Variants in KLHL32 observed in about 807,000 individuals in gnomAD.
KLHL32 encodes kelch like family member 32.
KLHL32 carries 35 observed loss-of-function variants against 64.8 expected under a neutral mutation model. That is an observed-to-expected ratio of 0.54 (90% CI 0.41 to 0.72). The LOEUF (loss-of-function observed/expected upper bound fraction) is 0.72. Among genes scored for constraint, KLHL32 ranks in the 30% least tolerant of loss-of-function variants. The pLI is 0.00. For synonymous variants in KLHL32, 259 were observed against 281.0 expected (o/e 0.92, Z 0.78); for missense variants, 589 against 768.5 (o/e 0.77, Z 2.76).
At chr6:97,117,443 G>A (rs765092684) in intron 7 of KLHL32, among the ~76,000 whole-genome samples, 4 of 152,010 alleles carry the variant, frequency 2.6e-5, no homozygotes, top group South Asian at 4.1e-4. Flanking sequence ...CATTTCCAGC[G>A]TGCTCACTCC....
intron 1 of KLHL32, among the ~76,000 whole-genome samples, chr6:96,925,590 T>G (rs1769043047): frequency 6.6e-6 from 1 of 152,180 alleles, no homozygotes; most frequent in South Asian, 2.1e-4. Context: ...CCCCTCTATT[T>G]CCAGTTTTAT....
At chr6:96,988,209 T>G (rs539657219) in intron 3 of KLHL32, among the ~76,000 whole-genome samples, 12 of 152,180 alleles carry the variant, frequency 7.9e-5, no homozygotes, top group African/African-American at 2.9e-4. Flanking sequence ...ACTCATCTGA[T>G]AAAGGGCTAA....
rs1012773699 is a variant in KLHL32 at position 97,066,936 on chromosome 6, C to A, written c.411+2210C>A. On this transcript the variant is annotated intron_variant, in intron 5 of 10. Transcript: ENST00000369261. ...CTTAAAATGTACCCAGGAATTGTGCCCCTTCAATCAATGCTGATATATTCT... is the reference window on the plus strand; with the variant it reads ...CTTAAAATGTACCCAGGAATTGTGCACCTTCAATCAATGCTGATATATTCT... Among the ~76,000 whole-genome samples the A allele has an allele frequency of 3.9e-5, 6 of 152,072 alleles. No homozygotes were observed. In the East Asian group the frequency reaches 9.6e-4, roughly 24 times the overall value.
chr6:97,129,196 C>T (rs948053076), intron 8 of KLHL32, among the ~76,000 whole-genome samples: 4 of 152,122 alleles, frequency 2.6e-5, no homozygotes, highest in Non-Finnish European at 5.9e-5. Flanking sequence ...AGTGAGTGGA[C>T]CAATTTTTAT....
chr6:96,980,958 G>A (rs1481405843), intron 3 of KLHL32, among the ~76,000 whole-genome samples: 1 of 149,206 alleles, frequency 6.7e-6, no homozygotes, highest in East Asian at 2.0e-4. Context: ...AAGCAAACAT[G>A]TCATTCTTCA....
chr6:96,992,709 T>C (rs999140985), intron 3 of KLHL32, among the ~76,000 whole-genome samples: 4 of 152,216 alleles, frequency 2.6e-5, no homozygotes, highest in Admixed American at 2.6e-4. Flanking sequence ...CCCCTCATAC[T>C]CTAATAGGTT....
At chr6:96,923,412 T>A (rs1010160862), upstream of KLHL32, among the ~76,000 whole-genome samples, 1 of 152,242 alleles carries the variant, frequency 6.6e-6, no homozygotes, top group Admixed American at 6.5e-5. Context: ...CTGCACCTAA[T>A]GTTTGTAGTC....
At chr6:97,014,288 C>A (rs1780827968) in intron 3 of KLHL32, among the ~76,000 whole-genome samples, 1 of 148,380 alleles carries the variant, frequency 6.7e-6, no homozygotes. Context: ...GAGCGAGACT[C>A]CGTCTCAAAA....
chr6:96,940,436 T>C (rs1031892280), intron 1 of KLHL32, among the ~76,000 whole-genome samples: 2 of 152,110 alleles, frequency 1.3e-5, no homozygotes, highest in African/African-American at 4.8e-5. Flanking sequence ...AGTGGTGTGA[T>C]TCAAGGAGAG....
At chr6:97,030,277 G>A (rs1554220678) in intron 3 of KLHL32, among the ~76,000 whole-genome samples, 1 of 152,100 alleles carries the variant, frequency 6.6e-6, no homozygotes, top group Non-Finnish European at 1.5e-5. Flanking sequence ...GTGTCGTAAG[G>A]TACCACCCTA....
chr6:96,914,155 G>A, the KLHL32 span, among the ~76,000 whole-genome samples: 1 of 152,178 alleles, frequency 6.6e-6, no homozygotes, highest in Non-Finnish European at 1.5e-5. Context: ...GAGAGGCACA[G>A]AAACAGTGTC....
In KLHL32 at chr6:97,105,861, C is replaced by T. The variant is rs138597365; in HGVS notation, c.628-7922C>T. ...ATTTGATCACTCATCTGATGAGAGC[C>T]TGCTTTTTAAGGGCACTTGTATTTA... On this transcript the variant is annotated intron_variant, in intron 6 of 10. Transcript: ENST00000369261. Among the ~76,000 whole-genome samples the T allele has an allele frequency of 2.0e-4, 30 of 152,198 alleles. No homozygotes were observed. In the East Asian group the frequency reaches 5.6e-3, roughly 28 times the overall value.
chr6:97,056,354 C>T lies in KLHL32; in HGVS notation c.313-8274C>T, dbSNP rs566736518. Among the ~76,000 whole-genome samples, 17 of 152,260 alleles carry T rather than the reference C, an allele frequency of 1.1e-4. No homozygotes were observed. The South Asian group carries it at 3.1e-3, about 28-fold the overall frequency. ...TCTCCTGACCTCGTGATCCTCCCGCCTTGGCCTCCCAAAGTGCTGGGATTA... is the reference window on the plus strand; with the variant it reads ...TCTCCTGACCTCGTGATCCTCCCGCTTTGGCCTCCCAAAGTGCTGGGATTA... On this transcript the variant is annotated intron_variant, in intron 4 of 10. Coordinates refer to ENST00000369261, the MANE Select transcript of KLHL32 (RefSeq NM_052904.4).
intron 10 of KLHL32, among the ~76,000 whole-genome samples, chr6:97,133,429 C>T (rs1405700989): frequency 1.3e-5 from 2 of 152,192 alleles, no homozygotes; most frequent in African/African-American, 2.4e-5. Flanking sequence ...TTAGCCCTGA[C>T]CTTTCTTCCT....
intron 3 of KLHL32, among the ~76,000 whole-genome samples, chr6:97,009,543 G>C (rs146853382): frequency 6.6e-6 from 1 of 152,248 alleles, no homozygotes; most frequent in African/African-American, 2.4e-5. Flanking sequence ...GTATGGACTG[G>C]AAAAATGCAT....
intron 3 of KLHL32, 134 bp from the exon 4 acceptor site, chr6:97,041,358 T>G (rs1036238514): frequency 8.1e-6 from 5 of 618,600 alleles, no homozygotes; most frequent in Admixed American, 5.4e-5. Context: ...AATGACACTT[T>G]CTAGAAGCAT....
chr6:96,963,880 T>G (rs1774143623), intron 1 of KLHL32, among the ~76,000 whole-genome samples: 1 of 152,210 alleles, frequency 6.6e-6, no homozygotes, highest in African/African-American at 2.4e-5. Context: ...TAGGGTTTGG[T>G]CTGGAAGAGA....
At chr6:97,053,083 TACACACACAC>T (rs146503529) in intron 4 of KLHL32, among the ~76,000 whole-genome samples, 4 of 149,490 alleles carry the variant, frequency 2.7e-5, no homozygotes, top group African/African-American at 9.8e-5. Flanking sequence ...TGAGGATGGA[TACACACACAC>T]ACACACACAC....
At chr6:96,924,259 T>C (rs1215973604), upstream of KLHL32, among the ~76,000 whole-genome samples, 1 of 151,852 alleles carries the variant, frequency 6.6e-6, no homozygotes, top group Non-Finnish European at 1.5e-5. Flanking sequence ...GGCCACGGGG[T>C]CTGTTTGCTC....
Sources: allele counts gnomAD v4.1 joint callset (sites outside exome capture counted in the v4.1 genomes callset), GRCh38; gene constraint gnomAD v4.1.1; transcripts MANE v1.5; gene names NCBI Gene and HGNC (gene_info 2026-07-23, HGNC 2026-07-21).